Variants in PDK1 observed in about 807,000 individuals in gnomAD.
PDK1 encodes the protein pyruvate dehydrogenase kinase 1, also known as [Pyruvate dehydrogenase (acetyl-transferring)] kinase isozyme 1, mitochondrial.
In PDK1, 39 loss-of-function variants were observed where a neutral mutation model predicts 54.2. The ratio of observed to expected loss-of-function variants is 0.72; its 90% CI spans 0.56 to 0.94. The LOEUF is 0.94. Among genes scored for constraint, PDK1 ranks in the 40% least tolerant of loss-of-function variants. The pLI is 0.00. For synonymous variants in PDK1, 221 were observed against 207.1 expected (o/e 1.07, Z -0.58); for missense variants, 552 against 566.0 (o/e 0.98, Z 0.25).
At chr2:172,617,717 A>AAC in the PDK1 span, among the ~76,000 whole-genome samples, 2 of 152,196 alleles carry the variant, frequency 1.3e-5, no homozygotes, top group Non-Finnish European at 2.9e-5. Context: ...TTAAGCTTCC[A>AAC]ACACATGAGT....
At chr2:172,617,443 TTC>T in the PDK1 span, among the ~76,000 whole-genome samples, 50 of 152,142 alleles carry the variant, frequency 3.3e-4, 1 homozygote, top group African/African-American at 1.1e-3. Flanking sequence ...TGAAAATTTA[TTC>T]TCTCTCAGTT....
chr2:172,617,527 C>T, the PDK1 span, among the ~76,000 whole-genome samples: 5 of 152,060 alleles, frequency 3.3e-5, no homozygotes, highest in Non-Finnish European at 7.4e-5. Flanking sequence ...AAGATGGCAC[C>T]TAGAACACTG....
the PDK1 span, among the ~76,000 whole-genome samples, chr2:172,672,820 C>A: frequency 1.3e-5 from 2 of 152,166 alleles, no homozygotes; most frequent in African/African-American, 4.8e-5. Context: ...AGTCGCTCTG[C>A]TGCATTAAAT....
At chr2:172,710,120 G>A in the PDK1 span, among the ~76,000 whole-genome samples, 5 of 152,162 alleles carry the variant, frequency 3.3e-5, no homozygotes, top group African/African-American at 1.2e-4. Context: ...CGTAAGTGAC[G>A]AAAGTGGCTG....
the PDK1 span, among the ~76,000 whole-genome samples, chr2:172,632,991 A>AAAAAAAAAACAAAAAAACAAAAAAC: frequency 6.8e-6 from 1 of 147,486 alleles, no homozygotes; most frequent in African/African-American, 2.6e-5. Context: ...AAAAAAAAAA[A>AAAAAAAAAACAAAAAAACAAAAAAC]AAGGAACATA....
chr2:172,626,003 A>G, the PDK1 span, among the ~76,000 whole-genome samples: 1 of 152,284 alleles, frequency 6.6e-6, no homozygotes, highest in South Asian at 2.1e-4. Context: ...GCAGGTAAAA[A>G]CATTTCCTAG....
the PDK1 span, among the ~76,000 whole-genome samples, chr2:172,650,285 A>T: frequency 6.6e-6 from 1 of 152,200 alleles, no homozygotes; most frequent in African/African-American, 2.4e-5. Context: ...ACAAATGCTG[A>T]GAGATTTTGT....
At chr2:172,660,308 G>T in the PDK1 span, among the ~76,000 whole-genome samples, 2 of 122,970 alleles carry the variant, frequency 1.6e-5, no homozygotes, top group African/African-American at 6.2e-5. Flanking sequence ...CCAGGCTAGA[G>T]GGCAGTGGCA....
At position 172,600,472 on chromosome 2, in the gene PDK1, G is replaced by A. The variant is rs1691075771; in HGVS notation, c.*4503G>A. On this transcript the variant is annotated 3_prime_UTR_variant, in exon 11 of 11. Transcript: ENST00000282077. ...ACTCTCAGTATCTCCATAATGGCCA[G>A]TATGTAGTAGGCACCTGTAATTGTG... The A allele has an allele frequency of 6.6e-6, 1 of 152,148 alleles. No individual in the cohort carries two copies. The highest frequency in any genetic ancestry group is 6.5e-5 in the Admixed American group (1 of 15,274). 9.4% of individuals were successfully genotyped at this position (152,148 alleles called of 1,614,324 possible).
intron 8 of PDK1, among the ~76,000 whole-genome samples, chr2:172,571,849 T>TG (rs1553480312): frequency 1.7e-4 from 23 of 136,766 alleles, no homozygotes; most frequent in Non-Finnish European, 2.8e-4. Context: ...TTTTTTTTTT[T>TG]GAGATGGAGT....
At chr2:172,689,246 T>C in the PDK1 span, among the ~76,000 whole-genome samples, 1 of 152,196 alleles carries the variant, frequency 6.6e-6, no homozygotes, top group African/African-American at 2.4e-5. Context: ...TGGTGCATTT[T>C]TACAGAGCAC....
At chr2:172,626,761 T>TA in the PDK1 span, among the ~76,000 whole-genome samples, 35,331 of 149,390 alleles carry the variant, frequency 0.24, 5,211 homozygotes, top group Non-Finnish European at 0.35. Context: ...CCACTGCACT[T>TA]AAAAAAAAAA....
chr2:172,724,008 G>A, the PDK1 span: 3 of 152,244 alleles, frequency 2.0e-5, no homozygotes, highest in South Asian at 2.1e-4. Context: ...AGAATTTCCT[G>A]TAATATTATA....
the PDK1 span, among the ~76,000 whole-genome samples, chr2:172,659,969 C>T: frequency 2.0e-5 from 3 of 152,132 alleles, no homozygotes; most frequent in African/African-American, 4.8e-5. Context: ...ATCTAAGTTG[C>T]CATCTAGCAG....
chr2:172,578,293 T>C (rs1481725710), intron 8 of PDK1, among the ~76,000 whole-genome samples: 3 of 152,252 alleles, frequency 2.0e-5, no homozygotes, highest in African/African-American at 7.2e-5. Flanking sequence ...GATTCTTTTC[T>C]TTCACATGCT....
At chr2:172,702,863 C>G in the PDK1 span, among the ~76,000 whole-genome samples, 1 of 152,136 alleles carries the variant, frequency 6.6e-6, no homozygotes, top group Non-Finnish European at 1.5e-5. Flanking sequence ...CTTGGCAATA[C>G]CTTTTCTGTG....
At chr2:172,612,478 T>G (rs765067497), downstream of PDK1, among the ~76,000 whole-genome samples, 16 of 152,326 alleles carry the variant, frequency 1.1e-4, no homozygotes, top group Admixed American at 3.3e-4. Context: ...AGGTTTGTTT[T>G]TTTTTTAAAC....
the PDK1 span, among the ~76,000 whole-genome samples, chr2:172,683,605 A>G: frequency 6.6e-6 from 1 of 152,340 alleles, no homozygotes; most frequent in South Asian, 2.1e-4. Flanking sequence ...ATACATTTGT[A>G]GTTTAGGAAG....
chr2:172,588,824 C>T (rs528936298), intron 9 of PDK1, among the ~76,000 whole-genome samples: 18 of 152,278 alleles, frequency 1.2e-4, no homozygotes, highest in South Asian at 4.1e-4. Context: ...ACTGTAAGTC[C>T]GGAGAGGAAC....
Sources: allele counts gnomAD v4.1 joint callset (sites outside exome capture counted in the v4.1 genomes callset), GRCh38; gene constraint gnomAD v4.1.1; transcripts MANE v1.5; gene names NCBI Gene and HGNC (gene_info 2026-07-23, HGNC 2026-07-21).